KMT5B: variants seen among roughly 807,000 people sequenced by gnomAD.
KMT5B encodes the protein histone-lysine N-methyltransferase KMT5B.
Under a neutral mutation model 83.2 loss-of-function variants are expected in KMT5B, and 10 were observed. That is an observed-to-expected ratio of 0.12 (90% confidence interval 0.07 to 0.20). The LOEUF is 0.20. KMT5B is among the 10% of genes least tolerant of loss of function. KMT5B has a pLI of 1.00. For synonymous variants in KMT5B, 349 were observed against 388.8 expected, an observed-to-expected ratio of 0.90 and a Z score of 1.20; for missense variants, 753 against 1,067.2, an observed-to-expected ratio of 0.71 and a Z score of 4.10.
At chr11:68,197,596 C>A (rs1396800509) in intron 1 of KMT5B, among the ~76,000 whole-genome samples, 3 of 152,182 alleles carry the variant, frequency 2.0e-5, no homozygotes, top group Non-Finnish European at 4.4e-5. Flanking sequence ...CTGAGATCCA[C>A]TCTAATGTGC....
At chr11:68,186,858 G>T (rs1236946333) in intron 2 of KMT5B, among the ~76,000 whole-genome samples, 2 of 152,200 alleles carry the variant, frequency 1.3e-5, no homozygotes, top group African/African-American at 2.4e-5. Flanking sequence ...ATACTTAAAT[G>T]TAAGTTCCTG....
chr11:68,203,727 G>C (rs1859732215), intron 1 of KMT5B, among the ~76,000 whole-genome samples: 1 of 152,152 alleles, frequency 6.6e-6, no homozygotes, highest in Non-Finnish European at 1.5e-5. Flanking sequence ...TGAGAAGCTA[G>C]GTGACTTGTC....
In KMT5B at chr11:68,184,305, G is replaced by C. The variant is rs146584546; in HGVS notation, c.308+1476C>G. Among the ~76,000 whole-genome samples, 939 of 152,138 alleles carry C rather than the reference G, an allele frequency of 6.2e-3. 7 individuals carry two copies. The highest frequency in any genetic ancestry group is 0.022 in the African/African-American group (910 of 41,504). On this transcript the variant is annotated intron_variant, in intron 3 of 10. Coordinates refer to ENST00000304363, the MANE Select transcript of KMT5B (RefSeq NM_017635.5). ...AAGAATCACTTGAACCCAGAAGGTG[G>C]AGGTTGCAGTGAGCTGAGATCATGC... is the stretch of plus-strand genomic sequence containing the variant.
intron 10 of KMT5B, chr11:68,165,887 AG>A: frequency 6.2e-7 from 1 of 1,612,918 alleles, no homozygotes; most frequent in Non-Finnish European, 8.5e-7. Flanking sequence ...AGGTAGATTC[AG>A]GAATTCATGG....
chr11:68,176,097 T>G lies in KMT5B; in HGVS notation c.378-914A>C, dbSNP rs1480664552. Among the ~76,000 whole-genome samples, 3 of 152,032 alleles carry G rather than the reference T, an allele frequency of 2.0e-5. No individual in the cohort carries two copies. In the East Asian group the frequency reaches 5.8e-4, roughly 29 times the overall value. ...GCCCAGCTAATTTTTGTATTTTTAG[T>G]AGAGACCATGTTGGCCAGGCTGGTC... On this transcript the variant is annotated intron_variant, in intron 4 of 10. Coordinates refer to ENST00000304363, the MANE Select transcript of KMT5B (RefSeq NM_017635.5).
chr11:68,203,254 G>A (rs1173873991), intron 1 of KMT5B, among the ~76,000 whole-genome samples: 8 of 152,206 alleles, frequency 5.3e-5, no homozygotes, highest in Non-Finnish European at 8.8e-5. Flanking sequence ...GATTACAGGC[G>A]TGAGGCACCG....
chr11:68,190,113 T>C lies in KMT5B; in HGVS notation c.-37A>G. On this transcript the variant is annotated 5_prime_UTR_variant, in exon 2 of 11. Coordinates refer to ENST00000304363, the MANE Select transcript of KMT5B (RefSeq NM_017635.5). ...GCCTGACCCAGGTGCATTTAGTCAC[T>C]CTCTTCAAATAGCTTAGAGAATACT... 6.3e-7 allele frequency: 1 copy of C among 1,595,348 alleles called. No homozygotes were observed. Among genetic ancestry groups the C allele is most frequent in the Non-Finnish European group, 8.6e-7 (1 of 1,165,202 alleles).
chr11:68,204,083 T>C (rs1029215698), intron 1 of KMT5B, among the ~76,000 whole-genome samples: 7 of 152,246 alleles, frequency 4.6e-5, no homozygotes, highest in South Asian at 2.1e-4. Context: ...ACCAAGAGAA[T>C]AGCGTCTGAA....
At chr11:68,169,756 T>C (rs777509453) in intron 9 of KMT5B, among the ~76,000 whole-genome samples, 10 of 152,222 alleles carry the variant, frequency 6.6e-5, no homozygotes, top group Non-Finnish European at 1.3e-4. Flanking sequence ...CACTTAACTG[T>C]TATACTGTTT....
chr11:68,213,633 C>G (rs990336142), upstream of KMT5B: 2 of 153,700 alleles, frequency 1.3e-5, no homozygotes, highest in Non-Finnish European at 2.9e-5. Context: ...GCGTCGCCGC[C>G]CCCGGTGAGC....
At chr11:68,203,587 T>C (rs1010704599) in intron 1 of KMT5B, among the ~76,000 whole-genome samples, 18 of 152,218 alleles carry the variant, frequency 1.2e-4, no homozygotes, top group African/African-American at 4.1e-4. Flanking sequence ...TGACCAATAT[T>C]CCATCATAAC....
rs1246354069 is a variant in KMT5B, at chr11:68,156,521, C to T, written c.*1167G>A. On this transcript the variant is annotated 3_prime_UTR_variant, in exon 11 of 11. Transcript: ENST00000304363. ...CATAAACTAACATAAGCCAAGAACTCCCACTGATGCAGTGCTTAAAACTAT... is the reference window on the plus strand; with the variant it reads ...CATAAACTAACATAAGCCAAGAACTTCCACTGATGCAGTGCTTAAAACTAT... 1.3e-5 allele frequency: 2 copies of T among 152,584 alleles called. No individual in the cohort carries two copies. The highest frequency in any genetic ancestry group is 4.8e-5 in the African/African-American group (2 of 41,446). 9.5% of individuals were successfully genotyped at this position (152,584 alleles called of 1,614,324 possible). A position where few individuals can be genotyped will look rare whatever the true frequency, so the allele number is the denominator to read the frequency against.
intron 10 of KMT5B, among the ~76,000 whole-genome samples, chr11:68,159,473 A>G (rs1423165608): frequency 6.6e-6 from 1 of 152,210 alleles, no homozygotes; most frequent in Non-Finnish European, 1.5e-5. Context: ...CACTGGCCCA[A>G]ACGAACGCTT....
chr11:68,184,154 T>C (rs926270091), intron 3 of KMT5B, among the ~76,000 whole-genome samples: 1 of 152,036 alleles, frequency 6.6e-6, no homozygotes, highest in African/African-American at 2.4e-5. Context: ...GTGGATCACC[T>C]GAGGTCAGGA....
At chr11:68,161,973 T>C (rs1391925850) in intron 10 of KMT5B, among the ~76,000 whole-genome samples, 1 of 152,158 alleles carries the variant, frequency 6.6e-6, no homozygotes, top group Non-Finnish European at 1.5e-5. Flanking sequence ...ACGTCCCCTT[T>C]CGAGGTCTCC....
chr11:68,198,256 T>G (rs1331536324), intron 1 of KMT5B, among the ~76,000 whole-genome samples: 1 of 152,118 alleles, frequency 6.6e-6, no homozygotes, highest in Non-Finnish European at 1.5e-5. Context: ...TGGTGTCACA[T>G]GCCTGTAATC....
chr11:68,209,669 C>T (rs979700107), intron 1 of KMT5B, among the ~76,000 whole-genome samples: 1 of 152,172 alleles, frequency 6.6e-6, no homozygotes, highest in East Asian at 1.9e-4. Context: ...CAGGTATTAG[C>T]ACTACAACAA....
At chr11:68,193,793 C>T (rs1256443809) in intron 1 of KMT5B, among the ~76,000 whole-genome samples, 1 of 151,120 alleles carries the variant, frequency 6.6e-6, no homozygotes, top group African/African-American at 2.4e-5. Flanking sequence ...AATTGAACAG[C>T]AGTATACTTT....
intron 9 of KMT5B, among the ~76,000 whole-genome samples, chr11:68,168,246 G>T (rs937609925): frequency 6.6e-6 from 1 of 151,812 alleles, no homozygotes; most frequent in Non-Finnish European, 1.5e-5. Context: ...TTTTTCCTGT[G>T]AAGCATCTCT....
Sources: allele counts gnomAD v4.1 joint callset (sites outside exome capture counted in the v4.1 genomes callset), GRCh38; gene constraint gnomAD v4.1.1; transcripts MANE v1.5; gene names NCBI Gene and HGNC (gene_info 2026-07-23, HGNC 2026-07-21).